Variants in PPP1R3F observed in about 807,000 individuals in gnomAD.
PPP1R3F encodes protein phosphatase 1, regulatory (inhibitor) subunit 3F.
A neutral mutation model predicts 24.2 loss-of-function variants in PPP1R3F; 29 were observed. The observed-to-expected ratio is 1.20, with a 90% CI of 0.89 to 1.63. PPP1R3F has a LOEUF of 1.63. Among genes scored for constraint, PPP1R3F ranks in the 40% most tolerant of loss-of-function variants. The probability of loss-of-function intolerance (pLI) is 0.00; values close to 1 mark genes in which losing one functional copy is unlikely to be tolerated. For synonymous variants in PPP1R3F, 363 were observed against 340.1 expected, an observed-to-expected ratio of 1.07 and a Z score of -0.74; for missense variants, 823 against 729.3, an observed-to-expected ratio of 1.13 and a Z score of -1.48.
At chrX:49,289,233 C>CTG (rs2066301996), downstream of PPP1R3F, among the ~76,000 whole-genome samples, 1 of 111,947 alleles carries the variant, frequency 8.9e-6, no homozygotes, top group African/African-American at 3.2e-5. Flanking sequence ...AATTACGAAA[C>CTG]ATTCAGTGAC....
downstream of PPP1R3F, among the ~76,000 whole-genome samples, chrX:49,291,358 C>T (rs183879166): frequency 4.1e-5 from 4 of 97,787 alleles, no homozygotes; most frequent in East Asian, 1.3e-3. Flanking sequence ...GACGGAGTCT[C>T]GCTCTTTCTC....
chrX:49,272,200 G>T (rs782287287), intron 1 of PPP1R3F, among the ~76,000 whole-genome samples: 1 of 112,175 alleles, frequency 8.9e-6, no homozygotes, highest in South Asian at 3.7e-4. Flanking sequence ...CTGGTGGGCA[G>T]ATGTGCCTGG....
intron 3 of PPP1R3F, among the ~76,000 whole-genome samples, chrX:49,297,968 C>T (rs2066328380): frequency 1.9e-5 from 2 of 107,900 alleles, no homozygotes; most frequent in South Asian, 8.2e-4. Context: ...TTGACTCTAT[C>T]CAATTTGCCA....
intron 1 of PPP1R3F, chrX:49,275,013 C>G (rs1288333154): frequency 9.1e-6 from 1 of 109,661 alleles, no homozygotes; most frequent in Non-Finnish European, 1.9e-5. Context: ...TGCTGCCCTC[C>G]TTGCTTGATC....
chrX:49,296,465 C>G (rs1428117156), intron 3 of PPP1R3F, among the ~76,000 whole-genome samples: 2 of 111,240 alleles, frequency 1.8e-5, no homozygotes, highest in African/African-American at 6.5e-5. Context: ...TTTAAAAAAA[C>G]CAGCTCCTGG....
At chrX:49,282,648 TGAG>T (rs1557120863) in intron 3 of PPP1R3F, among the ~76,000 whole-genome samples, 1 of 107,880 alleles carries the variant, frequency 9.3e-6, no homozygotes, top group Non-Finnish European at 1.9e-5. Context: ...GTTCCTGAGG[TGAG>T]GCCATGACTA....
chrX:49,270,475 C>T lies in PPP1R3F; in HGVS notation c.606C>T (p.Ser202=), dbSNP rs1557118874. Residue 202 remains serine (S), a synonymous_variant, in exon 1 of 4, where the codon AGC becomes AGT. Transcript: ENST00000055335. The part of the protein sequence containing the change: ...CDHPARYVPR[S]PPWAGAGGTG... Reference sequence around the variant, plus strand: ...ACCCAGCGCGCTACGTCCCGCGCAGCCCGCCGTGGGCAGGAGCGGGAGGAA... The same window carrying T: ...ACCCAGCGCGCTACGTCCCGCGCAGTCCGCCGTGGGCAGGAGCGGGAGGAA... 2 of 1,203,094 alleles carry T rather than the reference C, an allele frequency of 1.7e-6. No homozygotes were observed. The highest frequency in any genetic ancestry group is 3.0e-5 in the East Asian group (1 of 33,788).
rs782406942 is a variant in PPP1R3F at position 49,286,811 on chromosome X, C to T, written c.2121C>T (p.Leu707=). 3.3e-6 allele frequency: 4 copies of T among 1,201,975 alleles called. No individual in the cohort carries two copies. Among genetic ancestry groups the T allele is most frequent in the South Asian group, 3.6e-5 (2 of 55,308 alleles). Residue 707 remains leucine (L), a synonymous_variant, in exon 4 of 4, where the codon CTC becomes CTT. Transcript: ENST00000055335. Reference sequence around the variant, plus strand: ...TGCAGGGGCAAAATCCCACCCTCCTCAGTCCCTTGGGGGCCGAAGTCTGTC... The same window carrying T: ...TGCAGGGGCAAAATCCCACCCTCCTTAGTCCCTTGGGGGCCGAAGTCTGTC... ...VLLQGQNPTL[L]SPLGAEVCLS...
At position 49,270,446 on chromosome X, in the gene PPP1R3F, G is replaced by C. The variant is rs2066167811; in HGVS notation, c.577G>C (p.Asp193His). The change falls in exon 1 of 4, where the codon GAC (aspartate) becomes CAC (histidine). Residue 193 changes from aspartate to histidine, a missense_variant. By Grantham distance (81) the Asp-to-His change is moderately conservative. Transcript: ENST00000055335. ...ACACGACGGCTGGGCTTCCTTTTGC[G>C]ACCACCCAGCGCGCTACGTCCCGCG... is the stretch of plus-strand genomic sequence containing the variant. ...ASHDGWASFC[D>H]HPARYVPRSP... The C allele has an allele frequency of 8.4e-7, 1 of 1,196,807 alleles. No individual in the cohort carries two copies. Among genetic ancestry groups the C allele is most frequent in the South Asian group, 1.8e-5 (1 of 56,200 alleles).
intron 3 of PPP1R3F, among the ~76,000 whole-genome samples, chrX:49,293,537 C>T (rs2066314827): frequency 8.9e-6 from 1 of 112,092 alleles, no homozygotes; most frequent in African/African-American, 3.2e-5. Context: ...TGGAATACTA[C>T]ACAGCTATGA....
chrX:49,298,805 T>G (rs1176071675), intron 3 of PPP1R3F, among the ~76,000 whole-genome samples: 1 of 110,784 alleles, frequency 9.0e-6, no homozygotes, highest in African/African-American at 3.3e-5. Flanking sequence ...TGGCTATTGA[T>G]ACTTGTGTAT....
rs992038095 is a variant in PPP1R3F, at chrX:49,297,563, A to G, written c.393-3788A>G. On this transcript the variant is annotated intron_variant, in intron 3 of 3. Coordinates refer to the PPP1R3F transcript ENST00000471261. ...GCAGGGTTTCACCATGTTAGCCAGGATGGTTTCGATCTTCTGACCTTGTGA... is the reference window on the plus strand; with the variant it reads ...GCAGGGTTTCACCATGTTAGCCAGGGTGGTTTCGATCTTCTGACCTTGTGA... Among the ~76,000 whole-genome samples, 20 of 110,340 alleles carry G rather than the reference A, an allele frequency of 1.8e-4. 1 individual carries two copies. Among genetic ancestry groups the G allele is most frequent in the African/African-American group, 6.3e-4 (19 of 30,351 alleles).
chrX:49,298,075 A>T (rs1557123023), intron 3 of PPP1R3F, among the ~76,000 whole-genome samples: 1 of 110,069 alleles, frequency 9.1e-6, no homozygotes, highest in Non-Finnish European at 1.9e-5. Flanking sequence ...CTAGCTGGTT[A>T]TTTTGCCCAT....
At chrX:49,298,451 C>T (rs2066329334) in intron 3 of PPP1R3F, among the ~76,000 whole-genome samples, 1 of 111,828 alleles carries the variant, frequency 8.9e-6, no homozygotes, top group Non-Finnish European at 1.9e-5. Context: ...AACATTTTTT[C>T]TTTGATTTCA....
At chrX:49,291,018 G>A (rs1021657376), downstream of PPP1R3F, among the ~76,000 whole-genome samples, 7 of 111,957 alleles carry the variant, frequency 6.3e-5, no homozygotes, top group Non-Finnish European at 9.4e-5. Context: ...ACGCAATCTT[G>A]TTCTGTCACC....
At chrX:49,272,631 G>A (rs1329815917) in intron 1 of PPP1R3F, among the ~76,000 whole-genome samples, 1 of 112,919 alleles carries the variant, frequency 8.9e-6, no homozygotes, top group Non-Finnish European at 1.9e-5. Context: ...TCTGCTAAGG[G>A]AAATGACAGT....
intron 1 of PPP1R3F, 47 bp downstream of exon 1, chrX:49,270,920 G>A: frequency 9.0e-7 from 1 of 1,117,080 alleles, no homozygotes; most frequent in Non-Finnish European, 1.2e-6. Context: ...CTGTGTCTGG[G>A]ATGGAGGACA....
Position 49,282,443 on chromosome X carries a change from C to CTGTGTG in PPP1R3F, c.1143+426_1143+431dup, listed in dbSNP as rs545507997. 7.9e-3 allele frequency among the ~76,000 whole-genome samples: 583 copies of CTGTGTG among 73,928 alleles called. 8 individuals are homozygous for CTGTGTG. The highest frequency in any genetic ancestry group is 0.028 in the African/African-American group (524 of 18,539). The allele number at this position is 73,928 out of a possible 115,157, so 64.2% of individuals were successfully genotyped here. A position where few individuals can be genotyped will look rare whatever the true frequency, so the allele number is the denominator to read the frequency against. ...AGGAATAGGGAGTGGGTGAGAGACT[C>CTGTGTG]TGTGTGTGTGTGTGTGTGTGTGTGT... On this transcript the variant is annotated intron_variant, in intron 3 of 3. Coordinates refer to ENST00000055335, the MANE Select transcript of PPP1R3F (RefSeq NM_033215.5).
At chrX:49,273,304 C>T (rs2066192751) in intron 1 of PPP1R3F, 1 of 111,789 alleles carries the variant, frequency 8.9e-6, no homozygotes, top group African/African-American at 3.3e-5. Context: ...AGGCAGAGAA[C>T]AGAGAAATCA....
Sources: allele counts gnomAD v4.1 joint callset (sites outside exome capture counted in the v4.1 genomes callset), GRCh38; gene constraint gnomAD v4.1.1; transcripts MANE v1.5; gene names NCBI Gene and HGNC (gene_info 2026-07-23, HGNC 2026-07-21).